The following COL23A1 variants were observed in gnomAD, a reference collection of about 807,000 sequenced individuals.
The protein encoded by COL23A1 is collagen type XXIII alpha 1 chain, also known as collagen alpha-1(XXIII) chain.
In COL23A1, 97 loss-of-function variants were observed where a neutral mutation model predicts 99.3. That is an observed-to-expected ratio of 0.98 (90% CI 0.83 to 1.16). The LOEUF (loss-of-function observed/expected upper bound fraction) is 1.16. Ranked by LOEUF, COL23A1 falls within the 50% of genes most tolerant of loss-of-function variation. COL23A1 has a pLI of 0.00. For missense variants in COL23A1, 762 were observed against 757.4 expected, an observed-to-expected ratio of 1.01 and a Z score of -0.07; for synonymous variants, 320 against 308.2, an observed-to-expected ratio of 1.04 and a Z score of -0.40.
chr5:178,369,405 C>T (rs1762677890), intron 2 of COL23A1, among the ~76,000 whole-genome samples: 1 of 152,204 alleles, frequency 6.6e-6, no homozygotes, highest in African/African-American at 2.4e-5. Flanking sequence ...GAACACCCCT[C>T]CATGGCAGGT....
At chr5:178,533,097 G>A (rs918269343) in intron 2 of COL23A1, among the ~76,000 whole-genome samples, 1 of 152,188 alleles carries the variant, frequency 6.6e-6, no homozygotes, top group Admixed American at 6.5e-5. Flanking sequence ...TGCCCTACAG[G>A]GGATTCTAAG....
intron 2 of COL23A1, among the ~76,000 whole-genome samples, chr5:178,539,980 C>T (rs547185860): frequency 6.6e-6 from 1 of 152,276 alleles, no homozygotes; most frequent in East Asian, 1.9e-4. Context: ...TAATATAATG[C>T]ACTGTTTTGA....
At chr5:178,276,312 G>A (rs985159695) in intron 5 of COL23A1, among the ~76,000 whole-genome samples, 3 of 152,170 alleles carry the variant, frequency 2.0e-5, no homozygotes, top group Non-Finnish European at 4.4e-5. Context: ...AGGAGTAAAC[G>A]CTCAAATCGG....
intron 2 of COL23A1, among the ~76,000 whole-genome samples, chr5:178,336,547 A>T (rs1357128725): frequency 1.3e-5 from 2 of 152,234 alleles, no homozygotes; most frequent in Admixed American, 1.3e-4. Context: ...TCAACCAGAG[A>T]TAGCACAGAC....
At chr5:178,502,178 C>T (rs1035202716) in intron 2 of COL23A1, among the ~76,000 whole-genome samples, 2 of 152,202 alleles carry the variant, frequency 1.3e-5, no homozygotes, top group African/African-American at 4.8e-5. Flanking sequence ...GTCGCCCAGG[C>T]TGGAGTGCAG....
At chr5:178,528,687 G>A (rs1760465035) in intron 2 of COL23A1, among the ~76,000 whole-genome samples, 1 of 152,222 alleles carries the variant, frequency 6.6e-6, no homozygotes, top group Admixed American at 6.5e-5. Context: ...GCACGTGCCT[G>A]TAATCCCAGA....
In COL23A1 at chr5:178,415,202, G is replaced by T. The variant is rs1222443132; in HGVS notation, c.362-108283C>A. ...CTCCAGTCAAGGATCCTGGCATCTTGCTTGGTGCAATGACACACTCTTTTC... is the reference window on the plus strand; with the variant it reads ...CTCCAGTCAAGGATCCTGGCATCTTTCTTGGTGCAATGACACACTCTTTTC... On this transcript the variant is annotated intron_variant, in intron 2 of 28. Transcript: ENST00000390654. The surrounding 1 kb of genome is among the most constrained non-coding windows in gnomAD (Gnocchi z 4.6). Among the ~76,000 whole-genome samples the T allele has an allele frequency of 6.6e-6, 1 of 152,146 alleles. No homozygotes were observed. The highest frequency in any genetic ancestry group is 1.5e-5 in the Non-Finnish European group (1 of 68,034).
In COL23A1 at chr5:178,543,387, G is replaced by A. The variant is rs527918177; in HGVS notation, c.361+17295C>T. 1.1e-4 allele frequency among the ~76,000 whole-genome samples: 16 copies of A among 152,254 alleles called. 1 individual carries two copies. The highest frequency in any genetic ancestry group is 3.4e-3 in the Middle Eastern group (1 of 294). ...CTCCCAAAGTGCTGGGATTACAGGC[G>A]TGAGCCACCGCGCCTGACCTATAGT... On this transcript the variant is annotated intron_variant, in intron 2 of 28. Coordinates refer to ENST00000390654, the MANE Select transcript of COL23A1 (RefSeq NM_173465.4).
chr5:178,350,405 T>C (rs1224489280), intron 2 of COL23A1, among the ~76,000 whole-genome samples: 1 of 151,488 alleles, frequency 6.6e-6, no homozygotes, highest in Admixed American at 6.6e-5. Flanking sequence ...AGTTGGGGAG[T>C]GGCCGGCATG....
chr5:178,292,594 C>A (rs899503395), intron 3 of COL23A1, among the ~76,000 whole-genome samples: 1 of 152,124 alleles, frequency 6.6e-6, no homozygotes, highest in South Asian at 2.1e-4. Context: ...TAAAGATCCC[C>A]GTGTGGGGTA....
At chr5:178,494,562 C>T (rs1436005400) in intron 2 of COL23A1, among the ~76,000 whole-genome samples, 1 of 152,196 alleles carries the variant, frequency 6.6e-6, no homozygotes, top group Non-Finnish European at 1.5e-5. Flanking sequence ...GTAATCCCAG[C>T]TACCTGGGAG....
At chr5:178,517,873 CTTTTT>C (rs71577021) in intron 2 of COL23A1, among the ~76,000 whole-genome samples, 12,822 of 97,560 alleles carry the variant, frequency 0.13, 887 homozygotes, top group Middle Eastern at 0.19. Context: ...AACAGCGGTT[CTTTTT>C]TTTTTTTTTT....
intron 2 of COL23A1, among the ~76,000 whole-genome samples, chr5:178,441,972 C>T (rs1267538976): frequency 6.6e-6 from 1 of 152,136 alleles, no homozygotes; most frequent in African/African-American, 2.4e-5. Context: ...TGGCTCATGC[C>T]TCAGTTTCCC....
chr5:178,342,476 G>A (rs1432531894), intron 2 of COL23A1, among the ~76,000 whole-genome samples: 1 of 152,220 alleles, frequency 6.6e-6, no homozygotes, highest in East Asian at 1.9e-4. Context: ...AGGCCCCCTT[G>A]ATACCTGCAG....
chr5:178,335,698 T>C (rs563680473), intron 2 of COL23A1, among the ~76,000 whole-genome samples: 1 of 152,164 alleles, frequency 6.6e-6, no homozygotes, highest in South Asian at 2.1e-4. Flanking sequence ...GCTTTCAGCA[T>C]AGATGGACAA....
intron 2 of COL23A1, among the ~76,000 whole-genome samples, chr5:178,555,281 G>C (rs938660735): frequency 7.2e-5 from 11 of 152,146 alleles, no homozygotes; most frequent in Non-Finnish European, 1.6e-4. Context: ...AAGCCCTGAG[G>C]GTTAGGACTT....
At chr5:178,416,381 C>T (rs773512104) in intron 2 of COL23A1, among the ~76,000 whole-genome samples, 50 of 152,290 alleles carry the variant, frequency 3.3e-4, no homozygotes, top group Non-Finnish European at 4.3e-4. Context: ...GACCGGAGCT[C>T]GGCACCTGTC....
At chr5:178,582,815 C>G (rs903764425) in intron 1 of COL23A1, among the ~76,000 whole-genome samples, 1 of 152,226 alleles carries the variant, frequency 6.6e-6, no homozygotes, top group Non-Finnish European at 1.5e-5. Context: ...TCTGAGAACA[C>G]TCCCCGTGAG....
chr5:178,256,331 C>T (rs185741453), intron 15 of COL23A1, 22 bp downstream of exon 15: 113 of 1,585,584 alleles, frequency 7.1e-5, no homozygotes, highest in African/African-American at 4.8e-4. Context: ...CCTGAGGCCT[C>T]GCCTGAGGGG....
Sources: gnomAD v4.1 joint callset for allele counts (sites outside exome capture counted in the v4.1 genomes callset) on GRCh38, gnomAD v4.1.1 for gene constraint, Gnocchi (gnomAD v3.1) non-coding constraint, MANE v1.5 for transcripts, NCBI Gene and HGNC (gene_info 2026-07-23, HGNC 2026-07-21) for gene names.